Variants in ZNF141 observed in about 807,000 individuals in gnomAD.
ZNF141 encodes the protein zinc finger protein 141, also known as zinc finger protein 141 (clone pHZ-44).
A neutral mutation model predicts 11.3 loss-of-function variants in ZNF141; 7 were observed. That is an observed-to-expected ratio of 0.62 (90% CI 0.35 to 1.16). The LOEUF (loss-of-function observed/expected upper bound fraction) is 1.16. Among genes scored for constraint, ZNF141 ranks in the 50% most tolerant of loss-of-function variants. The pLI is 0.02. For missense variants in ZNF141, 535 were observed against 554.0 expected, an observed-to-expected ratio of 0.97 and a Z score of 0.34; for synonymous variants, 183 against 190.7, an observed-to-expected ratio of 0.96 and a Z score of 0.33.
intron 3 of ZNF141, chr4:350,091 G>A: frequency 1.9e-6 from 1 of 520,178 alleles, no homozygotes; most frequent in Non-Finnish European, 4.0e-6. Context: ...TCTCTTGATG[G>A]GAAGGACCAC....
intron 3 of ZNF141, among the ~76,000 whole-genome samples, chr4:370,691 T>C (rs1016570365): frequency 3.3e-5 from 5 of 152,204 alleles, no homozygotes; most frequent in Admixed American, 3.3e-4. Flanking sequence ...ATGTGCTTTG[T>C]TATAAATCTC....
intron 3 of ZNF141, among the ~76,000 whole-genome samples, chr4:355,226 G>A (rs925476914): frequency 6.0e-5 from 9 of 150,578 alleles, no homozygotes; most frequent in South Asian, 2.1e-4. Flanking sequence ...GTCTCACTCC[G>A]TCACCCAGGC....
At chr4:370,052 A>C (rs565262814) in intron 3 of ZNF141, among the ~76,000 whole-genome samples, 1 of 151,944 alleles carries the variant, frequency 6.6e-6, no homozygotes, top group Admixed American at 6.6e-5. Context: ...GGCATGAGCC[A>C]CTGGGCCTGG....
At chr4:364,230 CT>C (rs758885433) in intron 3 of ZNF141, among the ~76,000 whole-genome samples, 1 of 152,128 alleles carries the variant, frequency 6.6e-6, no homozygotes, top group Non-Finnish European at 1.5e-5. Context: ...AGGAGTCCCT[CT>C]TTTTCTATTG....
chr4:343,633 G>A (rs1721166116), intron 1 of ZNF141, 149 bp from the exon 2 acceptor site: 1 of 901,442 alleles, frequency 1.1e-6, no homozygotes, highest in African/African-American at 1.8e-5. Flanking sequence ...GCTGAGGCAG[G>A]AGAATGGTGT....
At chr4:368,219 C>T (rs2108722219) in intron 3 of ZNF141, among the ~76,000 whole-genome samples, 1 of 152,008 alleles carries the variant, frequency 6.6e-6, no homozygotes, top group South Asian at 2.1e-4. Context: ...TTTTTATAAA[C>T]AGTAATGTTT....
In ZNF141 at chr4:379,202, C is replaced by A. The variant is rs529531673; in HGVS notation, c.*5340C>A. Among the ~76,000 whole-genome samples the A allele has an allele frequency of 6.6e-5, 10 of 151,942 alleles. No individual in the cohort carries two copies. Among genetic ancestry groups the A allele is most frequent in the African/African-American group, 1.4e-4 (6 of 41,424 alleles). On this transcript the variant is annotated 3_prime_UTR_variant, in exon 4 of 4. Coordinates refer to ENST00000240499, the MANE Select transcript of ZNF141 (RefSeq NM_003441.4). ...GTTCACGAAGTGGCCAATTTTGGGA[C>A]CTTTAGCATCACTTGCCCTTTTAGT... is the stretch of plus-strand genomic sequence containing the variant.
rs992287978 is a variant in ZNF141, at chr4:375,595, C to G, written c.*1733C>G. ...CAGAGTATTAAGTATTAAAAAAATC[C>G]AAAGTTGAACCTATTAGAGAATTTC... On this transcript the variant is annotated 3_prime_UTR_variant, in exon 4 of 4. Transcript: ENST00000240499. Among the ~76,000 whole-genome samples, 2 of 151,646 alleles carry G rather than the reference C, an allele frequency of 1.3e-5. No individual in the cohort carries two copies. Among genetic ancestry groups the G allele is most frequent in the Non-Finnish European group, 2.9e-5 (2 of 67,840 alleles).
intron 3 of ZNF141, among the ~76,000 whole-genome samples, chr4:359,962 T>G (rs1465059716): frequency 1.3e-5 from 2 of 152,168 alleles, no homozygotes; most frequent in African/African-American, 2.4e-5. Flanking sequence ...ACACAGGACA[T>G]TATGAATCCT....
intron 3 of ZNF141, among the ~76,000 whole-genome samples, chr4:348,588 G>C (rs117405395): frequency 6.6e-6 from 1 of 151,910 alleles, no homozygotes; most frequent in Non-Finnish European, 1.5e-5. Context: ...GGTAGTGGGC[G>C]CTTGTAATCC....
rs1712736194 is a variant in ZNF141, at chr4:383,070, T to G, written c.*9208T>G. 1.5e-6 allele frequency: 1 copy of G among 680,022 alleles called. No homozygotes were observed. Among genetic ancestry groups the G allele is most frequent in the African/African-American group, 1.8e-5 (1 of 56,448 alleles). 42.1% of individuals were successfully genotyped at this position (680,022 alleles called of 1,614,324 possible). The stretch of plus-strand genomic sequence containing the variant: ...GTTTGGGGCCCAGGTTTAAAGGTCC[T>G]AAATGCTTCTGTTATCTTTTTCAGA... On this transcript the variant is annotated 3_prime_UTR_variant, in exon 4 of 4. Transcript: ENST00000240499.
intron 3 of ZNF141, among the ~76,000 whole-genome samples, chr4:369,630 T>G (rs141195587): frequency 0.021 from 3,205 of 150,316 alleles, 40 homozygotes; most frequent in Non-Finnish European, 0.035. Flanking sequence ...TTTTTCTGTC[T>G]TCCTGTTTGT....
chr4:363,777 G>C (rs1224114346), intron 3 of ZNF141, among the ~76,000 whole-genome samples: 1 of 151,718 alleles, frequency 6.6e-6, no homozygotes, highest in Admixed American at 6.6e-5. Flanking sequence ...AAAAAGGCGG[G>C]GGGGAATGCT....
chr4:369,762 A>ATTTT (rs1440952353), intron 3 of ZNF141, among the ~76,000 whole-genome samples: 19 of 33,500 alleles, frequency 5.7e-4, no homozygotes, highest in South Asian at 1.0e-3. Context: ...ATATATATAT[A>ATTTT]TATTTTTTTT....
chr4:380,175 C>G lies in ZNF141; in HGVS notation c.*6313C>G, dbSNP rs187328127. ...AATGAAAAGATTTCCTCCCTTTTAA[C>G]GTTGAATTGTATTTCCTTGTGTATA... is the stretch of plus-strand genomic sequence containing the variant. On this transcript the variant is annotated 3_prime_UTR_variant, in exon 4 of 4. Transcript: ENST00000240499. Among the ~76,000 whole-genome samples, 2 of 152,240 alleles carry G rather than the reference C, an allele frequency of 1.3e-5. No homozygotes were observed. Among genetic ancestry groups the G allele is most frequent in the East Asian group, 3.9e-4 (2 of 5,192 alleles).
At chr4:349,803 T>C (rs1166120519) in intron 3 of ZNF141, among the ~76,000 whole-genome samples, 6 of 152,232 alleles carry the variant, frequency 3.9e-5, no homozygotes, top group African/African-American at 1.2e-4. Flanking sequence ...TTAGATTTCC[T>C]TGAGGATATT....
At position 381,854 on chromosome 4, in the gene ZNF141, C is replaced by G. The variant is rs1338917770; in HGVS notation, c.*7992C>G. Among the ~76,000 whole-genome samples, 1 of 151,788 alleles carries G rather than the reference C, an allele frequency of 6.6e-6. No homozygotes were observed. Among genetic ancestry groups the G allele is most frequent in the African/African-American group, 2.4e-5 (1 of 41,258 alleles). On this transcript the variant is annotated 3_prime_UTR_variant, in exon 4 of 4. Transcript: ENST00000240499. Reference sequence around the variant, plus strand: ...CCTACCACAGAAAGTAGCTGTAGTTCATTGCTGGGGCCACCAGAAGGGTCA... The same window carrying G: ...CCTACCACAGAAAGTAGCTGTAGTTGATTGCTGGGGCCACCAGAAGGGTCA...
chr4:360,270 T>C (rs1488214156), intron 3 of ZNF141, among the ~76,000 whole-genome samples: 1 of 152,220 alleles, frequency 6.6e-6, no homozygotes, highest in East Asian at 1.9e-4. Context: ...TTCCGATATG[T>C]TCTATGTCAA....
chr4:342,319 G>A (rs1721086175), intron 1 of ZNF141, among the ~76,000 whole-genome samples: 2 of 152,184 alleles, frequency 1.3e-5, no homozygotes, highest in South Asian at 2.1e-4. Context: ...CATTGCCACC[G>A]TCTCCAACTT....
Sources: allele counts gnomAD v4.1 joint callset (sites outside exome capture counted in the v4.1 genomes callset), GRCh38; gene constraint gnomAD v4.1.1; transcripts MANE v1.5; gene names NCBI Gene and HGNC (gene_info 2026-07-23, HGNC 2026-07-21).